Variants in NRG1 observed in about 807,000 individuals in gnomAD.
NRG1 encodes the protein pro-neuregulin-1, membrane-bound isoform.
Under a neutral mutation model 63.8 loss-of-function variants are expected in NRG1, and 18 were observed. The ratio of observed to expected loss-of-function variants is 0.28; its 90% CI spans 0.19 to 0.42. The LOEUF (loss-of-function observed/expected upper bound fraction) is 0.42. Ranked by LOEUF, NRG1 falls within the 10% of genes least tolerant of loss-of-function variation. The probability of loss-of-function intolerance (pLI) is 1.00; values close to 1 mark genes in which losing one functional copy is unlikely to be tolerated. For missense variants in NRG1, 762 were observed against 814.7 expected, an observed-to-expected ratio of 0.94 and a Z score of 0.79; for synonymous variants, 302 against 301.3, an observed-to-expected ratio of 1.00 and a Z score of -0.02.
chr8:32,739,010 A>G (rs540728438), intron 6 of NRG1, among the ~76,000 whole-genome samples: 35 of 152,338 alleles, frequency 2.3e-4, no homozygotes, highest in Non-Finnish European at 3.7e-4. Flanking sequence ...GGGGTTTTCT[A>G]GCAGTGATTC....
chr8:32,456,918 G>A (rs1821665798), intron 1 of NRG1, among the ~76,000 whole-genome samples: 2 of 152,122 alleles, frequency 1.3e-5, no homozygotes, highest in Admixed American at 6.5e-5. Flanking sequence ...GATCACCTGA[G>A]ATCATGAGTT....
At chr8:32,056,744 A>G (rs182290916) in intron 1 of NRG1, among the ~76,000 whole-genome samples, 16 of 152,202 alleles carry the variant, frequency 1.1e-4, no homozygotes, top group Non-Finnish European at 1.5e-4. Flanking sequence ...CCAAGATTAT[A>G]TGAGACCCAG....
At chr8:32,053,722 T>A (rs1186771815) in intron 1 of NRG1, among the ~76,000 whole-genome samples, 2 of 152,280 alleles carry the variant, frequency 1.3e-5, no homozygotes, top group East Asian at 3.9e-4. Flanking sequence ...CTAGAGTAGG[T>A]TGAATACATG....
At chr8:32,422,393 T>C (rs1228645377) in intron 1 of NRG1, among the ~76,000 whole-genome samples, 1 of 152,214 alleles carries the variant, frequency 6.6e-6, no homozygotes, top group Non-Finnish European at 1.5e-5. Context: ...CAATATAATT[T>C]ATCAGCAAAA....
chr8:31,916,234 A>G (rs2129617931), intron 1 of NRG1, among the ~76,000 whole-genome samples: 1 of 152,122 alleles, frequency 6.6e-6, no homozygotes. Context: ...ATTATACTTT[A>G]AGTTTTAGGG....
intron 1 of NRG1, among the ~76,000 whole-genome samples, chr8:32,397,455 G>T (rs553206458): frequency 1.7e-3 from 256 of 151,222 alleles, no homozygotes; most frequent in South Asian, 0.011. Flanking sequence ...TTGACATATT[G>T]TGATTTCCAA....
chr8:31,653,912 C>A (rs780579420), intron 1 of NRG1, among the ~76,000 whole-genome samples: 13 of 149,866 alleles, frequency 8.7e-5, no homozygotes, highest in Admixed American at 5.3e-4. Context: ...GAGAAATATT[C>A]TCAGGCTTTA....
intron 1 of NRG1, among the ~76,000 whole-genome samples, chr8:31,749,874 T>A (rs1411446698): frequency 1.4e-5 from 2 of 141,352 alleles, no homozygotes; most frequent in Admixed American, 7.3e-5. Context: ...TTTGTTTATT[T>A]TTTTTATTTT....
intron 1 of NRG1, among the ~76,000 whole-genome samples, chr8:31,819,073 A>C (rs1040071903): frequency 6.6e-6 from 1 of 151,552 alleles, no homozygotes; most frequent in Non-Finnish European, 1.5e-5. Flanking sequence ...ACAAAACAAA[A>C]ACTTAAAGAG....
At chr8:31,996,179 G>T (rs1228874767) in intron 1 of NRG1, among the ~76,000 whole-genome samples, 3 of 151,304 alleles carry the variant, frequency 2.0e-5, no homozygotes, top group Non-Finnish European at 4.4e-5. Context: ...TTTATCTTAG[G>T]AATCTATTCA....
At chr8:32,116,009 T>G (rs1204038862) in intron 1 of NRG1, among the ~76,000 whole-genome samples, 1 of 152,178 alleles carries the variant, frequency 6.6e-6, no homozygotes, top group East Asian at 1.9e-4. Flanking sequence ...GCTTGAGATA[T>G]TTTCAAGTCT....
intron 1 of NRG1, among the ~76,000 whole-genome samples, chr8:32,145,768 T>C (rs1313605582): frequency 1.3e-5 from 2 of 152,246 alleles, no homozygotes; most frequent in Admixed American, 1.3e-4. Context: ...GTGTTTATTA[T>C]CAGCAGCATT....
chr8:31,769,577 C>T (rs1009251622), intron 1 of NRG1, among the ~76,000 whole-genome samples: 4 of 152,062 alleles, frequency 2.6e-5, no homozygotes, highest in Non-Finnish European at 4.4e-5. Flanking sequence ...AGAAAATATG[C>T]CAAAGGTGCA....
chr8:32,463,144 T>C (rs1042860250), intron 1 of NRG1, among the ~76,000 whole-genome samples: 36 of 152,194 alleles, frequency 2.4e-4, no homozygotes, highest in Non-Finnish European at 4.6e-4. Context: ...CCTTTTTAGG[T>C]TGGATAATTA....
rs376438410 is a variant in NRG1 at position 32,279,049 on chromosome 8, T to G, written c.38-316779T>G. 1.2e-4 allele frequency among the ~76,000 whole-genome samples: 18 copies of G among 152,320 alleles called. No individual in the cohort carries two copies. In the East Asian group the frequency reaches 1.4e-3, roughly 11 times the overall value. The stretch of plus-strand genomic sequence containing the variant: ...TAAAGGGAAATTCTCTCCCTTAAAC[T>G]AACACAATGATCTCTCTGAATCAGA... On this transcript the variant is annotated intron_variant, in intron 1 of 10. Coordinates refer to the NRG1 transcript ENST00000519301.
chr8:32,516,226 C>A (rs561717689), intron 1 of NRG1, among the ~76,000 whole-genome samples: 1 of 152,134 alleles, frequency 6.6e-6, no homozygotes, highest in Non-Finnish European at 1.5e-5. Context: ...AGGTGTGCAG[C>A]TTTATTTCTG....
At chr8:32,171,715 G>A (rs1201808012) in intron 1 of NRG1, among the ~76,000 whole-genome samples, 1 of 152,186 alleles carries the variant, frequency 6.6e-6, no homozygotes, top group Non-Finnish European at 1.5e-5. Context: ...CGCATGGCTT[G>A]GAGGGTTGTA....
intron 1 of NRG1, among the ~76,000 whole-genome samples, chr8:31,757,301 G>T (rs1167851963): frequency 1.3e-5 from 2 of 151,976 alleles, no homozygotes; most frequent in Non-Finnish European, 2.9e-5. Context: ...CATAGAAGGG[G>T]GTTGAAATTT....
chr8:32,525,199 C>G (rs955153785), intron 1 of NRG1, among the ~76,000 whole-genome samples: 9 of 152,156 alleles, frequency 5.9e-5, no homozygotes, highest in African/African-American at 2.2e-4. Context: ...TGAGCCAAAG[C>G]TAAGGAGTCC....
Sources: gnomAD v4.1 joint callset for allele counts (sites outside exome capture counted in the v4.1 genomes callset) on GRCh38, gnomAD v4.1.1 for gene constraint, MANE v1.5 for transcripts, NCBI Gene and HGNC (gene_info 2026-07-23, HGNC 2026-07-21) for gene names.